POU3F3: variants seen among roughly 807,000 people sequenced by gnomAD.
POU3F3 encodes POU domain, class 3, transcription factor 3.
POU3F3 carries 1 observed loss-of-function variant against 8.6 expected under a neutral mutation model. The ratio of observed to expected loss-of-function variants is 0.12; its 90% CI spans 0.04 to 0.55. The LOEUF is 0.55. Among genes scored for constraint, POU3F3 ranks in the 20% least tolerant of loss-of-function variants. The pLI, the probability that POU3F3 is intolerant of heterozygous loss-of-function variation, is 0.91. For missense variants in POU3F3, 577 were observed against 690.7 expected (o/e 0.84, Z 1.84); for synonymous variants, 418 against 327.4 (o/e 1.28, Z -2.99).
the POU3F3 span, among the ~76,000 whole-genome samples, chr2:104,920,901 C>T: frequency 9.3e-4 from 142 of 152,232 alleles, no homozygotes; most frequent in Admixed American, 1.4e-3. Flanking sequence ...TTACTCTCAG[C>T]GCTATGATCC....
At chr2:104,899,909 G>A in the POU3F3 span, among the ~76,000 whole-genome samples, 1 of 152,218 alleles carries the variant, frequency 6.6e-6, no homozygotes, top group Non-Finnish European at 1.5e-5. Context: ...AACCACGCAG[G>A]TGAAATACAC....
chr2:104,889,874 T>C, the POU3F3 span, among the ~76,000 whole-genome samples: 3 of 152,236 alleles, frequency 2.0e-5, no homozygotes, highest in Admixed American at 6.5e-5. Flanking sequence ...TTCTGATATA[T>C]AGCAAATCTA....
At chr2:104,926,085 A>G in the POU3F3 span, 1 of 152,246 alleles carries the variant, frequency 6.6e-6, no homozygotes, top group Non-Finnish European at 1.5e-5. Flanking sequence ...AATTGCAACA[A>G]AAGCCAAAAT....
chr2:104,919,571 A>T, the POU3F3 span, among the ~76,000 whole-genome samples: 1 of 152,202 alleles, frequency 6.6e-6, no homozygotes, highest in South Asian at 2.1e-4. Context: ...TCAGCCAATT[A>T]ACCAAGTTTT....
At chr2:104,891,996 G>A in the POU3F3 span, among the ~76,000 whole-genome samples, 2 of 152,146 alleles carry the variant, frequency 1.3e-5, no homozygotes, top group Non-Finnish European at 1.5e-5. Flanking sequence ...TAAACAGGGA[G>A]ACATTCGTAG....
the POU3F3 span, among the ~76,000 whole-genome samples, chr2:104,904,715 T>TA: frequency 2.0e-5 from 3 of 152,134 alleles, no homozygotes; most frequent in South Asian, 2.1e-4. Context: ...GTACATCAGT[T>TA]CCTGTCCTTT....
chr2:104,853,934 T>G (rs1460071301), upstream of POU3F3: 11 of 152,078 alleles, frequency 7.2e-5, no homozygotes, highest in East Asian at 2.0e-3. Flanking sequence ...TCTACGACGC[T>G]CTGCCTAAAT....
rs1353915608 is a variant in POU3F3, at chr2:104,855,978, C to T, written c.468C>T (p.Asp156=). 1.5e-5 allele frequency: 16 copies of T among 1,035,354 alleles called. No individual in the cohort carries two copies. Among genetic ancestry groups the T allele is most frequent in the Non-Finnish European group, 1.9e-5 (16 of 863,526 alleles). 64.1% of individuals were successfully genotyped at this position (1,035,354 alleles called of 1,614,324 possible). A position where few individuals can be genotyped will look rare whatever the true frequency, so the allele number is the denominator to read the frequency against. The change falls in exon 1 of 1, where the codon GAC becomes GAT. Residue 156 remains aspartate (D), a synonymous_variant. Transcript: ENST00000361360. ...ACGTGAAGGGCGGCGCCGGGCGCGACGACCTGCACGCGGGCACAGCGCTGC... is the reference window on the plus strand; with the variant it reads ...ACGTGAAGGGCGGCGCCGGGCGCGATGACCTGCACGCGGGCACAGCGCTGC... ...GPDVKGGAGR[D]DLHAGTALHH...
chr2:104,904,057 A>G, the POU3F3 span, among the ~76,000 whole-genome samples: 1 of 152,184 alleles, frequency 6.6e-6, no homozygotes, highest in Admixed American at 6.5e-5. Context: ...AGTATGAAAG[A>G]GAACTTTCAT....
the POU3F3 span, among the ~76,000 whole-genome samples, chr2:104,926,279 C>T: frequency 1.3e-5 from 2 of 152,044 alleles, no homozygotes; most frequent in Non-Finnish European, 2.9e-5. Context: ...ACAACCCCAT[C>T]AAAAAGTGGG....
the POU3F3 span, among the ~76,000 whole-genome samples, chr2:104,876,698 G>A: frequency 6.6e-6 from 1 of 152,228 alleles, no homozygotes; most frequent in African/African-American, 2.4e-5. Context: ...GGTCGTGGCT[G>A]CGGCTCCCAG....
chr2:104,855,237 G>A lies in POU3F3; in HGVS notation c.-274G>A, dbSNP rs2104338848. Among the ~76,000 whole-genome samples, 1 of 150,914 alleles carries A rather than the reference G, an allele frequency of 6.6e-6. No individual in the cohort carries two copies. Among genetic ancestry groups the A allele is most frequent in the South Asian group, 2.1e-4 (1 of 4,814 alleles). ...GGCTGCTGCTGCTGCTGGTGACCAAGGCCGGCCGGCGACCCCCGCGCCCTG... is the reference window on the plus strand; with the variant it reads ...GGCTGCTGCTGCTGCTGGTGACCAAAGCCGGCCGGCGACCCCCGCGCCCTG... On this transcript the variant is annotated 5_prime_UTR_variant, in exon 1 of 1. Coordinates refer to ENST00000361360, the MANE Select transcript of POU3F3 (RefSeq NM_006236.3).
the POU3F3 span, among the ~76,000 whole-genome samples, chr2:104,887,868 G>A: frequency 6.6e-6 from 1 of 152,220 alleles, no homozygotes; most frequent in Non-Finnish European, 1.5e-5. Flanking sequence ...GGCTTTAAAT[G>A]GAGGTACTAA....
the POU3F3 span, among the ~76,000 whole-genome samples, chr2:104,880,150 G>A: frequency 6.6e-6 from 1 of 152,172 alleles, no homozygotes; most frequent in East Asian, 1.9e-4. Context: ...TTAAGTTTCA[G>A]GACATTATAT....
At chr2:104,902,932 G>A in the POU3F3 span, among the ~76,000 whole-genome samples, 4 of 152,122 alleles carry the variant, frequency 2.6e-5, no homozygotes, top group Non-Finnish European at 4.4e-5. Context: ...CTGACATCGC[G>A]CTTAGTTCCT....
chr2:104,910,635 A>G, the POU3F3 span, among the ~76,000 whole-genome samples: 6 of 152,222 alleles, frequency 3.9e-5, no homozygotes, highest in Non-Finnish European at 7.3e-5. Context: ...TACTCCAAAA[A>G]TGTTAGCTAA....
chr2:104,925,768 G>C, the POU3F3 span, among the ~76,000 whole-genome samples: 1 of 152,182 alleles, frequency 6.6e-6, no homozygotes, highest in East Asian at 1.9e-4. Context: ...CTTTCACTCT[G>C]ACAGAATCAG....
the POU3F3 span, among the ~76,000 whole-genome samples, chr2:104,872,088 ACACT>A: frequency 4.0e-5 from 6 of 151,806 alleles, no homozygotes; most frequent in Non-Finnish European, 8.8e-5. The surrounding 1 kb of genome is among the most constrained non-coding windows in gnomAD (Gnocchi z 4.6). Flanking sequence ...ACACACACAC[ACACT>A]CTTCCTTGCT....
chr2:104,920,473 G>A, the POU3F3 span, among the ~76,000 whole-genome samples: 1 of 152,122 alleles, frequency 6.6e-6, no homozygotes, highest in African/African-American at 2.4e-5. Flanking sequence ...TTTGCAAAAA[G>A]CAGCAAGAAG....
Sources: gnomAD v4.1 joint callset for allele counts (sites outside exome capture counted in the v4.1 genomes callset) on GRCh38, gnomAD v4.1.1 for gene constraint, Gnocchi (gnomAD v3.1) non-coding constraint, MANE v1.5 for transcripts, NCBI Gene and HGNC (gene_info 2026-07-23, HGNC 2026-07-21) for gene names.